The following NRXN1 variants were observed in gnomAD, a reference collection of about 807,000 sequenced individuals.
The protein encoded by NRXN1 is neurexin 1.
NRXN1 carries 39 observed loss-of-function variants against 150.9 expected under a neutral mutation model. That is an observed-to-expected ratio of 0.26 (90% CI 0.20 to 0.34). The LOEUF (loss-of-function observed/expected upper bound fraction) is 0.34. NRXN1 is among the 10% of genes least tolerant of loss of function. NRXN1 has a pLI of 1.00. For synonymous variants in NRXN1, 924 were observed against 757.0 expected (o/e 1.22, Z -3.62); for missense variants, 1,815 against 1,949.9 (o/e 0.93, Z 1.30).
chr2:49,954,685 C>A (rs1050738859), intron 21 of NRXN1, among the ~76,000 whole-genome samples: 3 of 152,064 alleles, frequency 2.0e-5, no homozygotes, highest in Non-Finnish European at 4.4e-5. Flanking sequence ...ATGACTTTAC[C>A]TATGGTTTGT....
At chr2:50,312,258 T>C (rs1042270584) in intron 17 of NRXN1, among the ~76,000 whole-genome samples, 1 of 152,136 alleles carries the variant, frequency 6.6e-6, no homozygotes, top group African/African-American at 2.4e-5. Context: ...TTCAGGATCT[T>C]AGTTTTTTAC....
chr2:50,654,794 T>A (rs1016148029), intron 5 of NRXN1, among the ~76,000 whole-genome samples: 2 of 152,080 alleles, frequency 1.3e-5, no homozygotes, highest in African/African-American at 4.8e-5. Flanking sequence ...TGATGAGCAT[T>A]TTCTCATGTG....
chr2:50,296,342 GAAC>G (rs1015523365), intron 17 of NRXN1, among the ~76,000 whole-genome samples: 17 of 152,204 alleles, frequency 1.1e-4, no homozygotes, highest in African/African-American at 4.1e-4. Flanking sequence ...CAAGAGTTGT[GAAC>G]AACATCTTTT....
At chr2:50,473,138 T>C (rs1189484318) in intron 15 of NRXN1, among the ~76,000 whole-genome samples, 1 of 151,954 alleles carries the variant, frequency 6.6e-6, no homozygotes, top group Non-Finnish European at 1.5e-5. Flanking sequence ...ATAATTCACA[T>C]AATAGTCTGT....
At chr2:49,990,118 A>T (rs1217956051) in intron 21 of NRXN1, among the ~76,000 whole-genome samples, 1 of 152,010 alleles carries the variant, frequency 6.6e-6, no homozygotes, top group East Asian at 1.9e-4. Flanking sequence ...AAAAAAAACT[A>T]TCAAAGAGTG....
At chr2:50,732,772 C>G (rs1698258388) in intron 5 of NRXN1, among the ~76,000 whole-genome samples, 2 of 152,088 alleles carry the variant, frequency 1.3e-5, no homozygotes, top group South Asian at 4.1e-4. Flanking sequence ...GTACTATATC[C>G]CTCTCACATC....
intron 5 of NRXN1, among the ~76,000 whole-genome samples, chr2:50,710,200 C>T (rs1274455634): frequency 2.0e-5 from 3 of 152,182 alleles, no homozygotes; most frequent in Non-Finnish European, 4.4e-5. Context: ...CTGTCGACCA[C>T]ACGCCAGGAA....
chr2:50,967,645 T>C (rs1694312131), intron 2 of NRXN1, among the ~76,000 whole-genome samples: 1 of 152,022 alleles, frequency 6.6e-6, no homozygotes, highest in African/African-American at 2.4e-5. Flanking sequence ...TTAAACTAAG[T>C]ACTAAATGGG....
At chr2:50,773,443 G>A (rs1703245540) in intron 5 of NRXN1, among the ~76,000 whole-genome samples, 1 of 152,168 alleles carries the variant, frequency 6.6e-6, no homozygotes, top group Non-Finnish European at 1.5e-5. Context: ...AAAATAGAAA[G>A]AAATAAAAGC....
At chr2:50,214,073 G>T (rs1261220378) in intron 18 of NRXN1, among the ~76,000 whole-genome samples, 1 of 151,950 alleles carries the variant, frequency 6.6e-6, no homozygotes, top group Non-Finnish European at 1.5e-5. Flanking sequence ...TTTTAGAGTT[G>T]TCAGTCTTAT....
intron 2 of NRXN1, among the ~76,000 whole-genome samples, chr2:50,926,588 G>A (rs1421145546): frequency 3.3e-5 from 5 of 151,844 alleles, no homozygotes; most frequent in Non-Finnish European, 7.4e-5. Flanking sequence ...TTATAAAAAT[G>A]CTAACTTTTA....
chr2:50,288,914 C>T (rs2037394), intron 17 of NRXN1, among the ~76,000 whole-genome samples: 23,174 of 151,972 alleles, frequency 0.15, 2,146 homozygotes, highest in East Asian at 0.36. Flanking sequence ...TGAAATGAGA[C>T]GAAAAGTCAG....
intron 5 of NRXN1, among the ~76,000 whole-genome samples, chr2:50,847,813 A>C (rs1326601707): frequency 6.6e-6 from 1 of 152,058 alleles, no homozygotes; most frequent in Non-Finnish European, 1.5e-5. Context: ...TCCACCATCG[A>C]AAGGTGGCGG....
intron 5 of NRXN1, among the ~76,000 whole-genome samples, chr2:50,719,583 G>A (rs888415002): frequency 1.3e-5 from 2 of 152,054 alleles, no homozygotes; most frequent in Non-Finnish European, 2.9e-5. Context: ...GGCTGAGGCA[G>A]GAGAATCGCT....
intron 17 of NRXN1, among the ~76,000 whole-genome samples, chr2:50,280,045 G>A (rs2071204378): frequency 1.3e-5 from 2 of 152,156 alleles, no homozygotes; most frequent in East Asian, 1.9e-4. Context: ...TTGGGAGGTC[G>A]AGGCGGGTGG....
intron 17 of NRXN1, among the ~76,000 whole-genome samples, chr2:50,386,997 C>T (rs999247426): frequency 1.1e-4 from 16 of 151,990 alleles, no homozygotes; most frequent in African/African-American, 1.7e-4. Context: ...GCATAGTATC[C>T]GAAGTTTTTT....
At chr2:49,949,539 G>C (rs142106177) in intron 21 of NRXN1, among the ~76,000 whole-genome samples, 11 of 151,824 alleles carry the variant, frequency 7.2e-5, no homozygotes, top group African/African-American at 2.4e-4. Flanking sequence ...ATACTATTAA[G>C]ACAAATCTGT....
intron 9 of NRXN1, among the ~76,000 whole-genome samples, chr2:50,551,074 A>AGAAGAG (rs1553775804): frequency 7.8e-4 from 86 of 110,764 alleles, no homozygotes; most frequent in Admixed American, 1.5e-3. Context: ...AAGAAGAAGA[A>AGAAGAG]GAGGAGGAGG....
chr2:50,991,274 A>C (rs533000143), intron 2 of NRXN1, among the ~76,000 whole-genome samples: 5 of 152,062 alleles, frequency 3.3e-5, no homozygotes, highest in Non-Finnish European at 7.4e-5. Context: ...TTAAAAAATA[A>C]GGTGGATGTG....
Sources: gnomAD v4.1 joint callset for allele counts (sites outside exome capture counted in the v4.1 genomes callset) on GRCh38, gnomAD v4.1.1 for gene constraint, MANE v1.5 for transcripts, NCBI Gene and HGNC (gene_info 2026-07-23, HGNC 2026-07-21) for gene names.